Variants in APOL2 observed in about 807,000 individuals in gnomAD.
APOL2 encodes the protein apolipoprotein L, 2.
A neutral mutation model predicts 7.1 loss-of-function variants in APOL2; 8 were observed. That is an observed-to-expected ratio of 1.12 (90% CI 0.66 to 2.03). The LOEUF (loss-of-function observed/expected upper bound fraction) is 2.03. Among genes scored for constraint, APOL2 ranks in the 30% most tolerant of loss-of-function variants. The pLI, the probability that APOL2 is intolerant of heterozygous loss-of-function variation, is 0.00. For synonymous variants in APOL2, 177 were observed against 159.9 expected, an observed-to-expected ratio of 1.11 and a Z score of -0.81; for missense variants, 471 against 415.1, an observed-to-expected ratio of 1.13 and a Z score of -1.17.
intron 3 of APOL2, among the ~76,000 whole-genome samples, chr22:36,232,201 C>T (rs1053390781): frequency 6.6e-6 from 1 of 152,244 alleles, no homozygotes; most frequent in African/African-American, 2.4e-5. Flanking sequence ...ACTTTTTCAT[C>T]ATAACATGAA....
At chr22:36,233,109 T>C (rs2015282389) in intron 3 of APOL2, 44 bp downstream of exon 3, 1 of 1,592,874 alleles carries the variant, frequency 6.3e-7, no homozygotes, top group Admixed American at 1.7e-5. Context: ...CCCTCCATTC[T>C]AGGTGCGAGT....
chr22:36,228,032 A>T lies in APOL2; in HGVS notation c.386T>A (p.Ile129Asn), dbSNP rs2015080844. The T allele has an allele frequency of 1.2e-6, 2 of 1,614,238 alleles. No homozygotes were observed. Among genetic ancestry groups the T allele is most frequent in the East Asian group, 4.5e-5 (2 of 44,886 alleles). ...VSNSVGTTSG[I>N]LTLLGLGLAP... ...CAGACCCAGGCCGAGGAGGGTCAGG[A>T]TGCCAGAGGTAGTGCCAACAGAGTT... Residue 129 changes from isoleucine (I) to asparagine (N), a missense_variant, in exon 5 of 5, where the codon ATC becomes AAC. Physicochemically the swap from Ile to Asn is moderately radical, Grantham distance 149. Transcript: ENST00000358502.
Position 36,233,387 on chromosome 22 carries a change from T to G in APOL2, c.-80+15A>C, listed in dbSNP as rs1357655316. On this transcript the variant is annotated intron_variant, in intron 2 of 4. Coordinates refer to ENST00000358502, the MANE Select transcript of APOL2 (RefSeq NM_030882.4). ...TCTCCTGGGGCCCTGCCAGCTAGTA[T>G]TTACAGAAACTCACCTCGTTCCAGC... 6.4e-7 allele frequency: 1 copy of G among 1,554,728 alleles called. No homozygotes were observed.
intron 1 of APOL2, among the ~76,000 whole-genome samples, chr22:36,238,829 C>T (rs188394990): frequency 1.3e-5 from 2 of 152,332 alleles, no homozygotes; most frequent in African/African-American, 4.8e-5. Context: ...GACGTGAAGT[C>T]CTATGATCTG....
In APOL2 at chr22:36,227,941, A is replaced by AGCT. The variant is rs1266663181; in HGVS notation, c.474_476dup (p.Ala160dup). 1 of 1,614,252 alleles carries AGCT rather than the reference A, an allele frequency of 6.2e-7. No individual in the cohort carries two copies. Among genetic ancestry groups the AGCT allele is most frequent in the Middle Eastern group, 1.6e-4 (1 of 6,062 alleles). ...CACTGCAGGTAATCCCAGCCACAGC[A>AGCT]GCTGCTGCTCCCAGACCCATGCCAG... On this transcript the variant is annotated inframe_insertion, in exon 5 of 5. Transcript: ENST00000358502.
chr22:36,237,728 G>A (rs761227761), intron 1 of APOL2, among the ~76,000 whole-genome samples: 43 of 152,152 alleles, frequency 2.8e-4, no homozygotes, highest in Non-Finnish European at 1.3e-4. Flanking sequence ...GGAATCTTCA[G>A]TGAAAAGCCA....
chr22:36,228,882 A>G (rs568599777), intron 4 of APOL2, among the ~76,000 whole-genome samples: 1 of 152,078 alleles, frequency 6.6e-6, no homozygotes, highest in African/African-American at 2.4e-5. Context: ...AAGGTGTGAG[A>G]TCTCAGGGAA....
intron 4 of APOL2, among the ~76,000 whole-genome samples, chr22:36,229,368 C>A (rs972217520): frequency 2.1e-5 from 3 of 146,100 alleles, no homozygotes; most frequent in Non-Finnish European, 4.6e-5. Flanking sequence ...TCCCCTGTAA[C>A]AACAATCCTG....
chr22:36,239,037 C>T, intron 1 of APOL2: 1 of 902,966 alleles, frequency 1.1e-6, no homozygotes, highest in East Asian at 5.4e-5. Flanking sequence ...TGGGTGTGGC[C>T]CGGCCACAAG....
chr22:36,233,209 G>C lies in APOL2; in HGVS notation c.-47C>G. ...GAGGGGCTTTCCTTGGAGCTCTCCA[G>C]TCACTGTCCAGACTGGAAGGTTTTC... On this transcript the variant is annotated 5_prime_UTR_variant, in exon 3 of 5. Coordinates refer to ENST00000358502, the MANE Select transcript of APOL2 (RefSeq NM_030882.4). 1.2e-6 allele frequency: 2 copies of C among 1,614,140 alleles called. No homozygotes were observed. Among genetic ancestry groups the C allele is most frequent in the South Asian group, 1.1e-5 (1 of 91,084 alleles).
At position 36,233,242 on chromosome 22, in the gene APOL2, C is replaced by G. The variant is rs940654413; in HGVS notation, c.-79-1G>C. 2.5e-6 allele frequency: 4 copies of G among 1,613,906 alleles called. No individual in the cohort carries two copies. The African/African-American group carries it at 5.3e-5, about 22-fold the overall frequency. ...CCAGACTGGAAGGTTTTCCTTAACC[C>G]TTGAGAACGAGAAAACAAATTGTGG... On this transcript the variant is annotated splice_acceptor_variant, in intron 2 of 4. Transcript: ENST00000358502. LOFTEE classifies it low-confidence loss of function (5UTR_SPLICE).
At chr22:36,228,914 A>C (rs887985952) in intron 4 of APOL2, among the ~76,000 whole-genome samples, 3 of 152,162 alleles carry the variant, frequency 2.0e-5, no homozygotes, top group African/African-American at 7.2e-5. Context: ...TCTAGCCATG[A>C]GGGCAGCTTG....
At chr22:36,232,315 G>T (rs1020583301) in intron 3 of APOL2, among the ~76,000 whole-genome samples, 1 of 152,192 alleles carries the variant, frequency 6.6e-6, no homozygotes, top group Non-Finnish European at 1.5e-5. Context: ...GAGATCATGG[G>T]AATGAGGCCC....
chr22:36,239,634 TCC>T (rs2015535607), upstream of APOL2: 17 of 807,636 alleles, frequency 2.1e-5, no homozygotes, highest in Middle Eastern at 4.5e-4. Flanking sequence ...AACACGCTGC[TCC>T]CCAGCACCAC....
intron 4 of APOL2, among the ~76,000 whole-genome samples, chr22:36,228,817 A>G (rs2015115757): frequency 6.6e-6 from 1 of 152,100 alleles, no homozygotes; most frequent in African/African-American, 2.4e-5. Flanking sequence ...GTGATGGATG[A>G]TAGGGTTTGG....
In APOL2 at chr22:36,229,165, C is replaced by G. The variant is rs111486841; in HGVS notation, c.138-885G>C. ...GTCTGAGCACCGTTTGTTATCTGATCATGCTCCTCACCCCCACCACTGGTG... is the reference window on the plus strand; with the variant it reads ...GTCTGAGCACCGTTTGTTATCTGATGATGCTCCTCACCCCCACCACTGGTG... On this transcript the variant is annotated intron_variant, in intron 4 of 4. Transcript: ENST00000358502. Among the ~76,000 whole-genome samples the G allele has an allele frequency of 3.9e-3, 597 of 152,310 alleles. 6 individuals carry two copies. Among genetic ancestry groups the G allele is most frequent in the African/African-American group, 0.014 (563 of 41,558 alleles).
At chr22:36,230,934 C>G (rs905601288) in intron 4 of APOL2, among the ~76,000 whole-genome samples, 1 of 152,230 alleles carries the variant, frequency 6.6e-6, no homozygotes, top group Non-Finnish European at 1.5e-5. Flanking sequence ...ATCCTTAACC[C>G]TGGTCTCTTT....
chr22:36,238,137 GT>G (rs1274872320), intron 1 of APOL2, among the ~76,000 whole-genome samples: 1 of 152,134 alleles, frequency 6.6e-6, no homozygotes, highest in Non-Finnish European at 1.5e-5. Context: ...TGGGGACACT[GT>G]TGTGTTCCCA....
rs1386332539 is a variant in APOL2 at position 36,227,970 on chromosome 22, C to T, written c.448G>A (p.Asp150Asn). Residue 150 changes from aspartate to asparagine, a missense_variant, in exon 5 of 5, where the codon GAC becomes AAC. Coordinates refer to ENST00000358502, the MANE Select transcript of APOL2 (RefSeq NM_030882.4). ...FTEGISFVLL[D>N]TGMGLGAAAA... Reference sequence around the variant, plus strand: ...GCTGCTCCCAGACCCATGCCAGTGTCCAAGAGCACAAAACTGATTCCTTCT... The same window carrying T: ...GCTGCTCCCAGACCCATGCCAGTGTTCAAGAGCACAAAACTGATTCCTTCT... 1.3e-5 allele frequency: 21 copies of T among 1,614,088 alleles called. No individual in the cohort carries two copies. The Admixed American group carries it at 2.3e-4, about 18-fold the overall frequency.
Sources: allele counts gnomAD v4.1 joint callset (sites outside exome capture counted in the v4.1 genomes callset), GRCh38; gene constraint gnomAD v4.1.1; transcripts MANE v1.5; gene names NCBI Gene and HGNC (gene_info 2026-07-23, HGNC 2026-07-21).